The following LIFR variants were observed in gnomAD, a reference collection of about 807,000 sequenced individuals.
The protein encoded by LIFR is LIF receptor subunit alpha.
A neutral mutation model predicts 122.2 loss-of-function variants in LIFR; 84 were observed. The ratio of observed to expected loss-of-function variants is 0.69; its 90% CI spans 0.58 to 0.82. LIFR has a LOEUF of 0.82. Ranked by LOEUF, LIFR falls within the 40% of genes least tolerant of loss-of-function variation. The pLI is 0.00. For missense variants in LIFR, 1,294 were observed against 1,311.6 expected (o/e 0.99, Z 0.21); for synonymous variants, 422 against 434.7 (o/e 0.97, Z 0.36).
chr5:38,567,704 T>C lies in LIFR; in HGVS notation c.-20+27557A>G, dbSNP rs533837562. Among the ~76,000 whole-genome samples the C allele has an allele frequency of 8.4e-4, 127 of 152,050 alleles. 1 individual carries two copies. Among genetic ancestry groups the C allele is most frequent in the Non-Finnish European group, 1.3e-3 (90 of 67,988 alleles). ...CCACCATGCCCAGCTAATTTTTGTA[T>C]TTTTAGTAGAGCCGAGGTTTTGCCA... On this transcript the variant is annotated intron_variant, in intron 1 of 19. Coordinates refer to the LIFR transcript ENST00000263409.
intron 11 of LIFR, 107 bp downstream of exon 11, chr5:38,502,530 A>C: frequency 2.2e-6 from 2 of 930,020 alleles, no homozygotes; most frequent in Non-Finnish European, 3.5e-6. Context: ...AAGTGCTGGG[A>C]TTACAGGTGT....
intron 5 of LIFR, among the ~76,000 whole-genome samples, chr5:38,517,211 T>A (rs891141296): frequency 6.6e-6 from 1 of 151,896 alleles, no homozygotes; most frequent in African/African-American, 2.4e-5. Flanking sequence ...TAATAAAAAA[T>A]TATAAAATTT....
At chr5:38,489,017 T>TC in intron 16 of LIFR, 61 bp downstream of exon 16, 2 of 1,424,620 alleles carry the variant, frequency 1.4e-6, no homozygotes, top group Non-Finnish European at 2.0e-6. Context: ...TCCTTTTTTT[T>TC]CTGTTGTGGT....
chr5:38,541,032 A>T (rs1247465241), intron 1 of LIFR, among the ~76,000 whole-genome samples: 3 of 151,990 alleles, frequency 2.0e-5, no homozygotes, highest in East Asian at 3.9e-4. Flanking sequence ...ATAATTCAAA[A>T]TTTTTTTCTT....
chr5:38,579,461 G>A lies in LIFR; in HGVS notation c.-20+15800C>T, dbSNP rs562421002. 8 of 152,184 alleles carry A rather than the reference G, an allele frequency of 5.3e-5. No homozygotes were observed. The South Asian group carries it at 1.7e-3, about 32-fold the overall frequency. 9.4% of individuals were successfully genotyped at this position (152,184 alleles called of 1,614,324 possible). A position where few individuals can be genotyped will look rare whatever the true frequency, so the allele number is the denominator to read the frequency against. ...CAAATATTTTTGGAAAAAAAAAAGA[G>A]GGGAGTCTATGTATGGTCAGTTAAG... On this transcript the variant is annotated intron_variant, in intron 1 of 19. Coordinates refer to the LIFR transcript ENST00000263409.
chr5:38,490,110 A>G (rs1744501461), intron 15 of LIFR, 80 bp downstream of exon 15: 1 of 558,928 alleles, frequency 1.8e-6, no homozygotes, highest in African/African-American at 1.9e-5. Context: ...TATTTTTAGA[A>G]TTCAATCATA....
chr5:38,480,899 C>A lies in LIFR; in HGVS notation c.*696G>T, dbSNP rs541023079. ...TAATGAAAAGGCTTGCAAAACCTAT[C>A]ACAGCAAGAAAACATGATTATGATT... On this transcript the variant is annotated 3_prime_UTR_variant, in exon 20 of 20. Transcript: ENST00000453190. 2 of 220,578 alleles carry A rather than the reference C, an allele frequency of 9.1e-6. No individual in the cohort carries two copies. The highest frequency in any genetic ancestry group is 1.8e-5 in the Non-Finnish European group (2 of 109,804). The allele number at this position is 220,578 out of a possible 1,614,324, so 13.7% of individuals were successfully genotyped here.
intron 14 of LIFR, 116 bp downstream of exon 14, chr5:38,493,490 A>C (rs1744707337): frequency 2.0e-6 from 2 of 1,007,658 alleles, no homozygotes; most frequent in Admixed American, 1.8e-5. Context: ...CAGGAAAGTC[A>C]AACCTATTTA....
At chr5:38,602,897 C>T (rs1750249972) in intron 2 of LIFR, among the ~76,000 whole-genome samples, 1 of 152,164 alleles carries the variant, frequency 6.6e-6, no homozygotes. Flanking sequence ...GGAAAAACAA[C>T]TTCCTGGGAA....
At chr5:38,494,892 T>C (rs1179174976) in intron 13 of LIFR, among the ~76,000 whole-genome samples, 1 of 152,128 alleles carries the variant, frequency 6.6e-6, no homozygotes, top group African/African-American at 2.4e-5. Context: ...CAGGAGAAAG[T>C]AACTAATAGC....
At chr5:38,486,106 T>G in intron 16 of LIFR, 126 bp from the exon 17 acceptor site, 1 of 807,818 alleles carries the variant, frequency 1.2e-6, no homozygotes, top group Non-Finnish European at 2.1e-6. Context: ...CCAAGGACTC[T>G]GGAGCTGCCA....
At chr5:38,501,607 C>A (rs1359998280) in intron 11 of LIFR, among the ~76,000 whole-genome samples, 1 of 151,956 alleles carries the variant, frequency 6.6e-6, no homozygotes, top group Non-Finnish European at 1.5e-5. Context: ...CAAAAATTAG[C>A]CGGGCGTGGT....
chr5:38,572,657 A>G (rs938529858), intron 1 of LIFR, among the ~76,000 whole-genome samples: 7 of 152,154 alleles, frequency 4.6e-5, no homozygotes, highest in Non-Finnish European at 8.8e-5. Context: ...TTCCAACGCT[A>G]TGCTTCAGGC....
At chr5:38,582,901 C>G (rs1322420103) in intron 1 of LIFR, among the ~76,000 whole-genome samples, 1 of 152,248 alleles carries the variant, frequency 6.6e-6, no homozygotes, top group Non-Finnish European at 1.5e-5. Flanking sequence ...TGCCTTCCTT[C>G]TGAAACCTCT....
chr5:38,570,189 G>A (rs1749164236), intron 1 of LIFR, among the ~76,000 whole-genome samples: 1 of 151,558 alleles, frequency 6.6e-6, no homozygotes, highest in African/African-American at 2.4e-5. Flanking sequence ...TAGGGCTATG[G>A]TTAGGATTAA....
At chr5:38,513,230 T>A (rs376141773) in intron 5 of LIFR, among the ~76,000 whole-genome samples, 2 of 152,130 alleles carry the variant, frequency 1.3e-5, no homozygotes, top group Non-Finnish European at 2.9e-5. Context: ...AGATGGATAA[T>A]GGTAACTGAT....
At position 38,489,081 on chromosome 5, in the gene LIFR, A is replaced by G. The variant is rs1483133992; in HGVS notation, c.2332T>C (p.Ser778Pro). 1 of 1,611,996 alleles carries G rather than the reference A, an allele frequency of 6.2e-7. No homozygotes were observed. The highest frequency in any genetic ancestry group is 2.2e-5 in the East Asian group (1 of 44,754). Residue 778 changes from serine to proline, a missense_variant, in exon 16 of 20, where the codon TCA becomes CCA. Coordinates refer to ENST00000453190, the MANE Select transcript of LIFR (RefSeq NM_001127671.2). The stretch of plus-strand genomic sequence containing the variant: ...CTTGTGCTATCAATTTACTCACCTG[A>G]TTCTAAAACCCTCATCTTAGATGTG... ...RDTSKMRVLE[S>P]GRSDIKVKNI...
chr5:38,501,116 A>G (rs1745151883), intron 11 of LIFR, among the ~76,000 whole-genome samples: 1 of 152,228 alleles, frequency 6.6e-6, no homozygotes, highest in Admixed American at 6.5e-5. Flanking sequence ...GATCCAGCTA[A>G]GCTGCTCCTG....
At chr5:38,549,785 C>T (rs1003182526) in intron 1 of LIFR, among the ~76,000 whole-genome samples, 34 of 152,030 alleles carry the variant, frequency 2.2e-4, no homozygotes, top group Admixed American at 2.2e-3. Flanking sequence ...AGCGAGACTC[C>T]GTTTCCACAC....
Sources: gnomAD v4.1 joint callset for allele counts (sites outside exome capture counted in the v4.1 genomes callset) on GRCh38, gnomAD v4.1.1 for gene constraint, MANE v1.5 for transcripts, NCBI Gene and HGNC (gene_info 2026-07-23, HGNC 2026-07-21) for gene names.